The following PCCA variants were observed in gnomAD, a reference collection of about 807,000 sequenced individuals.
PCCA encodes propionyl-CoA carboxylase alpha chain, mitochondrial.
Under a neutral mutation model 101.3 loss-of-function variants are expected in PCCA, and 74 were observed. The observed-to-expected ratio is 0.73, with a 90% CI of 0.61 to 0.89. The LOEUF is 0.89. Ranked by LOEUF, PCCA falls within the 40% of genes least tolerant of loss-of-function variation. The pLI is 0.00. For missense variants in PCCA, 891 were observed against 907.0 expected (o/e 0.98, Z 0.23); for synonymous variants, 294 against 313.6 (o/e 0.94, Z 0.66).
intron 20 of PCCA, among the ~76,000 whole-genome samples, chr13:100,440,860 C>A (rs2080319310): frequency 6.6e-6 from 1 of 152,060 alleles, no homozygotes; most frequent in Non-Finnish European, 1.5e-5. Flanking sequence ...TAACCATATC[C>A]TTTTTACATT....
At chr13:100,493,758 C>T (rs895577010) in intron 21 of PCCA, among the ~76,000 whole-genome samples, 3 of 152,192 alleles carry the variant, frequency 2.0e-5, no homozygotes, top group Non-Finnish European at 4.4e-5. Flanking sequence ...TTTCACAAAA[C>T]GTGATGTGTT....
At chr13:100,177,567 T>A (rs192619371) in intron 6 of PCCA, among the ~76,000 whole-genome samples, 1 of 152,222 alleles carries the variant, frequency 6.6e-6, no homozygotes, top group Admixed American at 6.5e-5. Context: ...TATTCTGTTA[T>A]ACACATTCAT....
intron 4 of PCCA, among the ~76,000 whole-genome samples, chr13:100,130,659 A>G (rs2050412721): frequency 6.6e-6 from 1 of 152,170 alleles, no homozygotes; most frequent in Admixed American, 6.5e-5. Context: ...CTTCCTGTAA[A>G]TCAATGATAG....
intron 16 of PCCA, among the ~76,000 whole-genome samples, chr13:100,318,218 C>G (rs559763406): frequency 3.3e-5 from 5 of 152,158 alleles, no homozygotes; most frequent in African/African-American, 1.2e-4. Context: ...TTCACTGCAC[C>G]CAGCACCGTT....
chr13:100,136,343 G>A (rs574962791), intron 4 of PCCA, among the ~76,000 whole-genome samples: 5 of 151,730 alleles, frequency 3.3e-5, no homozygotes, highest in African/African-American at 7.3e-5. Context: ...GCACCACCAC[G>A]CCTGGCTAAT....
chr13:100,147,144 T>G lies in PCCA; in HGVS notation c.301-7835T>G, dbSNP rs117056398. On this transcript the variant is annotated intron_variant, in intron 4 of 23. Coordinates refer to ENST00000376285, the MANE Select transcript of PCCA (RefSeq NM_000282.4). ...TTCTGCATATCCATATGAAAATGCT[T>G]AGGTAAGTTTGGAAGGACACATGCA... Among the ~76,000 whole-genome samples, 474 of 152,256 alleles carry G rather than the reference T, an allele frequency of 3.1e-3. 2 individuals are homozygous for G. The highest frequency in any genetic ancestry group is 0.01 in the Middle Eastern group (3 of 294).
At chr13:100,344,793 G>A (rs1346930502) in intron 18 of PCCA, among the ~76,000 whole-genome samples, 2 of 152,092 alleles carry the variant, frequency 1.3e-5, no homozygotes, top group East Asian at 1.9e-4. Context: ...TGGCAACCCT[G>A]CATTGAGCAA....
intron 4 of PCCA, among the ~76,000 whole-genome samples, chr13:100,135,147 A>C (rs567584867): frequency 1.1e-4 from 17 of 151,522 alleles, no homozygotes; most frequent in Non-Finnish European, 2.2e-4. Flanking sequence ...TAATCCTAGC[A>C]CTTTGGGAGG....
intron 21 of PCCA, among the ~76,000 whole-genome samples, chr13:100,503,764 C>T (rs1025582592): frequency 5.3e-5 from 8 of 151,962 alleles, no homozygotes; most frequent in East Asian, 1.9e-4. Context: ...AAAAATTAGC[C>T]GGGCATGGTG....
chr13:100,212,987 A>T (rs554066159), intron 7 of PCCA, among the ~76,000 whole-genome samples: 1 of 152,060 alleles, frequency 6.6e-6, no homozygotes, highest in African/African-American at 2.4e-5. Flanking sequence ...GAACATGTCA[A>T]ATTTGTCTTT....
intron 1 of PCCA, among the ~76,000 whole-genome samples, chr13:100,102,674 G>A (rs944969443): frequency 1.3e-5 from 2 of 152,150 alleles, no homozygotes; most frequent in East Asian, 1.9e-4. Context: ...TCTGGAGATC[G>A]TTTTGATGCT....
chr13:100,140,155 T>A (rs1345109982), intron 4 of PCCA, among the ~76,000 whole-genome samples: 2 of 152,192 alleles, frequency 1.3e-5, no homozygotes, highest in African/African-American at 4.8e-5. Flanking sequence ...GGCCTTCACT[T>A]TTCAGTCTTC....
intron 6 of PCCA, among the ~76,000 whole-genome samples, chr13:100,206,642 T>C (rs1207636943): frequency 6.6e-6 from 1 of 152,140 alleles, no homozygotes; most frequent in Non-Finnish European, 1.5e-5. Flanking sequence ...TGCTTTATAT[T>C]ATTATTGATG....
intron 22 of PCCA, among the ~76,000 whole-genome samples, chr13:100,518,337 T>G (rs2153000156): frequency 6.6e-6 from 1 of 152,314 alleles, no homozygotes; most frequent in Admixed American, 6.5e-5. Context: ...TGAACACAGT[T>G]TAAAAACCTC....
intron 20 of PCCA, among the ~76,000 whole-genome samples, chr13:100,431,738 C>T (rs2783229): frequency 0.16 from 24,905 of 151,726 alleles, 2,651 homozygotes; most frequent in African/African-American, 0.3. Flanking sequence ...TGGTGGCGGG[C>T]GCCTGTAGTC....
chr13:100,506,433 T>G (rs2086087411), intron 21 of PCCA, among the ~76,000 whole-genome samples: 1 of 152,194 alleles, frequency 6.6e-6, no homozygotes, highest in South Asian at 2.1e-4. Context: ...TCAGTTTTCT[T>G]GGCCGACGGT....
At chr13:100,426,248 C>T (rs1051353999) in intron 20 of PCCA, among the ~76,000 whole-genome samples, 6 of 151,702 alleles carry the variant, frequency 4.0e-5, no homozygotes, top group African/African-American at 1.5e-4. Flanking sequence ...AACCCAGAGT[C>T]GATAGAACAT....
chr13:100,517,499 G>A lies in PCCA; in HGVS notation c.2040+1932G>A, dbSNP rs9554700. Among the ~76,000 whole-genome samples the A allele has an allele frequency of 2.9e-3, 436 of 152,240 alleles. 17 individuals are homozygous for A. In the East Asian group the frequency reaches 0.055, roughly 19 times the overall value. On this transcript the variant is annotated intron_variant, in intron 22 of 23. Coordinates refer to ENST00000376285, the MANE Select transcript of PCCA (RefSeq NM_000282.4). The stretch of plus-strand genomic sequence containing the variant: ...AAAACACCCACCAATAATTAAATGT[G>A]TGTACTCATTAAGAATGGTTTGAGA...
At chr13:100,398,961 AGTATT>A (rs1262031957) in intron 19 of PCCA, among the ~76,000 whole-genome samples, 4 of 152,148 alleles carry the variant, frequency 2.6e-5, no homozygotes, top group East Asian at 1.9e-4. Flanking sequence ...ATATTTCAGA[AGTATT>A]GTATTCTTTT....
Sources: gnomAD v4.1 joint callset for allele counts (sites outside exome capture counted in the v4.1 genomes callset) on GRCh38, gnomAD v4.1.1 for gene constraint, MANE v1.5 for transcripts, NCBI Gene and HGNC (gene_info 2026-07-23, HGNC 2026-07-21) for gene names.